Variants in DPP10 observed in about 807,000 individuals in gnomAD.
The protein encoded by DPP10 is dipeptidyl peptidase like 10.
In DPP10, 33 loss-of-function variants were observed where a neutral mutation model predicts 120.9. The observed-to-expected ratio is 0.27, with a 90% CI of 0.21 to 0.37. The LOEUF is 0.37. Among genes scored for constraint, DPP10 ranks in the 10% least tolerant of loss-of-function variants. The pLI, the probability that DPP10 is intolerant of heterozygous loss-of-function variation, is 1.00. For missense variants in DPP10, 816 were observed against 942.8 expected, an observed-to-expected ratio of 0.87 and a Z score of 1.76; for synonymous variants, 337 against 326.1, an observed-to-expected ratio of 1.03 and a Z score of -0.36.
intron 3 of DPP10, among the ~76,000 whole-genome samples, chr2:115,451,072 T>A (rs2104967320): frequency 6.6e-6 from 1 of 152,000 alleles, no homozygotes; most frequent in African/African-American, 2.4e-5. Flanking sequence ...AAGATAGGGA[T>A]TTCTGACTCC....
intron 1 of DPP10, among the ~76,000 whole-genome samples, chr2:114,738,576 T>C (rs1677698570): frequency 6.6e-6 from 1 of 152,168 alleles, no homozygotes; most frequent in Admixed American, 6.5e-5. Flanking sequence ...AGCACCGGCC[T>C]GTGTGAGAAT....
chr2:115,176,453 G>A (rs1347964296), intron 1 of DPP10, among the ~76,000 whole-genome samples: 1 of 151,572 alleles, frequency 6.6e-6, no homozygotes, highest in Non-Finnish European at 1.5e-5. Flanking sequence ...ATGAGGATCT[G>A]AGGTTTATTA....
chr2:114,496,546 C>T (rs945994394), intron 1 of DPP10, among the ~76,000 whole-genome samples: 2 of 152,116 alleles, frequency 1.3e-5, no homozygotes, highest in African/African-American at 4.8e-5. Flanking sequence ...AGAAGTCTCT[C>T]TCGGGCCTCT....
intron 3 of DPP10, among the ~76,000 whole-genome samples, chr2:115,445,364 AG>A (rs1045991541): frequency 2.6e-4 from 40 of 152,178 alleles, no homozygotes; most frequent in African/African-American, 5.1e-4. Flanking sequence ...AACAGTTGGG[AG>A]GGCTCAGAAG....
chr2:114,576,678 C>T (rs1314826134), intron 1 of DPP10, among the ~76,000 whole-genome samples: 1 of 152,132 alleles, frequency 6.6e-6, no homozygotes, highest in Non-Finnish European at 1.5e-5. Context: ...AACTAGCCCA[C>T]AGGACTGTGA....
chr2:114,901,263 A>T (rs1693542825), intron 1 of DPP10, among the ~76,000 whole-genome samples: 1 of 151,868 alleles, frequency 6.6e-6, no homozygotes. Context: ...AGTGGCATGA[A>T]CTCTGCTCAC....
At chr2:115,584,127 A>G (rs1019499690) in intron 5 of DPP10, among the ~76,000 whole-genome samples, 4 of 152,112 alleles carry the variant, frequency 2.6e-5, no homozygotes, top group African/African-American at 9.7e-5. Flanking sequence ...CATGTTGACC[A>G]TTTTTACCAT....
chr2:114,817,125 C>T (rs148698705), intron 1 of DPP10, among the ~76,000 whole-genome samples: 4 of 152,290 alleles, frequency 2.6e-5, no homozygotes, highest in African/African-American at 9.6e-5. Flanking sequence ...ATTCATTCCC[C>T]ATGCAATCAA....
At chr2:115,541,238 G>A (rs1227741150) in intron 5 of DPP10, among the ~76,000 whole-genome samples, 2 of 151,716 alleles carry the variant, frequency 1.3e-5, no homozygotes, top group African/African-American at 4.8e-5. Flanking sequence ...AACATCCCAT[G>A]CCCCAAAAAA....
intron 1 of DPP10, among the ~76,000 whole-genome samples, chr2:114,536,502 T>G (rs903489285): frequency 8.6e-5 from 13 of 150,654 alleles, no homozygotes; most frequent in African/African-American, 3.2e-4. Flanking sequence ...GTCTCCCGGG[T>G]TCACACCATT....
intron 1 of DPP10, among the ~76,000 whole-genome samples, chr2:114,811,913 C>T (rs772987756): frequency 6.6e-5 from 10 of 152,290 alleles, no homozygotes; most frequent in Non-Finnish European, 1.3e-4. Context: ...AACAAAAGCT[C>T]TCAATAGGAG....
At chr2:114,445,151 T>G (rs2104518341) in intron 1 of DPP10, among the ~76,000 whole-genome samples, 1 of 152,280 alleles carries the variant, frequency 6.6e-6, no homozygotes, top group Non-Finnish European at 1.5e-5. Flanking sequence ...GAATTTTAGT[T>G]TCAAGCATGG....
chr2:114,859,500 T>A (rs1407447165), intron 1 of DPP10, among the ~76,000 whole-genome samples: 1 of 152,260 alleles, frequency 6.6e-6, no homozygotes, highest in Admixed American at 6.5e-5. Flanking sequence ...TTTATATTTA[T>A]ATTCTGACAA....
In DPP10 at chr2:115,199,261, CTTTA is replaced by C. The variant is rs376667208; in HGVS notation, c.61-109970_61-109967del. ...TAAAAAACAGCCACACTTACAGTAA[CTTTA>C]TTTATTTGTGTGCATATTATGTATG... On this transcript the variant is annotated intron_variant, in intron 1 of 25. Coordinates refer to ENST00000410059, the MANE Select transcript of DPP10 (RefSeq NM_020868.6). Among the ~76,000 whole-genome samples, 470 of 151,944 alleles carry C rather than the reference CTTTA, an allele frequency of 3.1e-3. 4 individuals are homozygous for C. The highest frequency in any genetic ancestry group is 0.01 in the African/African-American group (423 of 41,458).
intron 1 of DPP10, among the ~76,000 whole-genome samples, chr2:115,134,145 C>A (rs2050526494): frequency 6.6e-6 from 1 of 152,086 alleles, no homozygotes; most frequent in African/African-American, 2.4e-5. Flanking sequence ...GGAAAAAGAT[C>A]TTTTATGAGA....
At chr2:115,337,892 T>G (rs2063239924) in intron 2 of DPP10, among the ~76,000 whole-genome samples, 1 of 151,954 alleles carries the variant, frequency 6.6e-6, no homozygotes, top group Non-Finnish European at 1.5e-5. Flanking sequence ...TATAGTTTTC[T>G]CAGTATTGAA....
At chr2:115,201,106 AAAAC>A (rs1263371227) in intron 1 of DPP10, among the ~76,000 whole-genome samples, 2 of 152,222 alleles carry the variant, frequency 1.3e-5, no homozygotes, top group Non-Finnish European at 2.9e-5. Context: ...GGTTTTTAGA[AAAAC>A]AAGCTACTCT....
At chr2:114,500,233 A>C (rs1323753302) in intron 1 of DPP10, among the ~76,000 whole-genome samples, 1 of 152,294 alleles carries the variant, frequency 6.6e-6, no homozygotes, top group East Asian at 1.9e-4. Context: ...CCATTGACTA[A>C]ATTAAAGAAT....
chr2:115,592,194 G>C lies in DPP10; in HGVS notation c.441+66222G>C, dbSNP rs972066392. Among the ~76,000 whole-genome samples the C allele has an allele frequency of 8.5e-5, 13 of 152,266 alleles. No individual in the cohort carries two copies. The East Asian group carries it at 2.5e-3, about 29-fold the overall frequency. Reference sequence around the variant, plus strand: ...AGACCCAAGCTAACAATAAGATACAGAAGCTTTTATATTAATATCATCTTA... The same window carrying C: ...AGACCCAAGCTAACAATAAGATACACAAGCTTTTATATTAATATCATCTTA... On this transcript the variant is annotated intron_variant, in intron 5 of 25. Coordinates refer to ENST00000410059, the MANE Select transcript of DPP10 (RefSeq NM_020868.6).
Sources: gnomAD v4.1 joint callset for allele counts (sites outside exome capture counted in the v4.1 genomes callset) on GRCh38, gnomAD v4.1.1 for gene constraint, MANE v1.5 for transcripts, NCBI Gene and HGNC (gene_info 2026-07-23, HGNC 2026-07-21) for gene names.